Variants in MMP16 observed in about 807,000 individuals in gnomAD.
The protein encoded by MMP16 is matrix metallopeptidase 16.
In MMP16, 12 loss-of-function variants were observed where a neutral mutation model predicts 67.8. The observed-to-expected ratio is 0.18, with a 90% CI of 0.11 to 0.29. MMP16 has a LOEUF of 0.29. Among genes scored for constraint, MMP16 ranks in the 10% least tolerant of loss-of-function variants. The pLI, the probability that MMP16 is intolerant of heterozygous loss-of-function variation, is 1.00. For synonymous variants in MMP16, 249 were observed against 255.9 expected, an observed-to-expected ratio of 0.97 and a Z score of 0.26; for missense variants, 475 against 765.7, an observed-to-expected ratio of 0.62 and a Z score of 4.48.
In MMP16 at chr8:88,311,685, A is replaced by C. The variant is rs561667658; in HGVS notation, c.132+15390T>G. On this transcript the variant is annotated intron_variant, in intron 1 of 9. Coordinates refer to ENST00000286614, the MANE Select transcript of MMP16 (RefSeq NM_005941.5). Reference sequence around the variant, plus strand: ...CCATAAATATAGATGGATATAAACCATAATAGAAGATTCTGGGTTTTCATT... The same window carrying C: ...CCATAAATATAGATGGATATAAACCCTAATAGAAGATTCTGGGTTTTCATT... 7.2e-5 allele frequency among the ~76,000 whole-genome samples: 11 copies of C among 152,270 alleles called. No individual in the cohort carries two copies. In the South Asian group the frequency reaches 2.1e-3, roughly 29 times the overall value.
At chr8:88,194,356 T>C (rs1308824709) in intron 2 of MMP16, among the ~76,000 whole-genome samples, 1 of 152,102 alleles carries the variant, frequency 6.6e-6, no homozygotes, top group Non-Finnish European at 1.5e-5. Context: ...TCTATAACTA[T>C]AGTCCATATT....
At chr8:88,061,157 C>G (rs1305585222) in intron 7 of MMP16, among the ~76,000 whole-genome samples, 5 of 151,348 alleles carry the variant, frequency 3.3e-5, no homozygotes, top group African/African-American at 1.2e-4. Context: ...CACACACACA[C>G]ACACACACAC....
At chr8:88,186,966 G>A (rs1056504896) in intron 2 of MMP16, among the ~76,000 whole-genome samples, 2 of 152,126 alleles carry the variant, frequency 1.3e-5, no homozygotes, top group Non-Finnish European at 2.9e-5. Context: ...CTCATAAAAT[G>A]CCACTAAGGA....
At chr8:88,255,026 G>GA (rs1488539146) in intron 1 of MMP16, among the ~76,000 whole-genome samples, 2 of 152,022 alleles carry the variant, frequency 1.3e-5, no homozygotes, top group Non-Finnish European at 2.9e-5. Flanking sequence ...AAAAACATGG[G>GA]AAAAAATTCA....
chr8:88,135,183 T>A (rs571363969), intron 4 of MMP16, among the ~76,000 whole-genome samples: 2 of 151,892 alleles, frequency 1.3e-5, no homozygotes, highest in African/African-American at 4.8e-5. Context: ...TAAGCAAACA[T>A]TTATTGAGTA....
intron 7 of MMP16, among the ~76,000 whole-genome samples, chr8:88,065,687 T>C (rs1808455024): frequency 6.6e-6 from 1 of 152,052 alleles, no homozygotes; most frequent in African/African-American, 2.4e-5. Context: ...TTCTTTTACG[T>C]TACCTATTTA....
intron 1 of MMP16, among the ~76,000 whole-genome samples, chr8:88,258,518 C>T (rs952823696): frequency 2.6e-5 from 4 of 152,080 alleles, no homozygotes; most frequent in African/African-American, 9.7e-5. Context: ...TGTTAGTTGC[C>T]TTTTGTCTAA....
Position 88,036,805 on chromosome 8 carries a change from T to TTG in MMP16, c.*4655_*4656insCA, listed in dbSNP as rs1808060266. 6.6e-6 allele frequency: 1 copy of TTG among 151,714 alleles called. No homozygotes were observed. The highest frequency in any genetic ancestry group is 6.6e-5 in the Admixed American group (1 of 15,166). 9.4% of individuals were successfully genotyped at this position (151,714 alleles called of 1,614,324 possible). ...TCTGTGATACTTTGGAATATGCCCTTGAAAGCATCAGAAATGAAATAAGCT... is the reference window on the plus strand; with the variant it reads ...TCTGTGATACTTTGGAATATGCCCTTTGGAAAGCATCAGAAATGAAATAAGCT... On this transcript the variant is annotated 3_prime_UTR_variant, in exon 10 of 10. Coordinates refer to ENST00000286614, the MANE Select transcript of MMP16 (RefSeq NM_005941.5).
At chr8:88,081,564 A>G (rs1424697544) in intron 6 of MMP16, among the ~76,000 whole-genome samples, 2 of 152,114 alleles carry the variant, frequency 1.3e-5, no homozygotes, top group African/African-American at 4.8e-5. Context: ...AGCCTGGGCA[A>G]TACAGTGAGA....
chr8:88,160,472 G>A (rs1164026393), intron 4 of MMP16, among the ~76,000 whole-genome samples: 1 of 152,026 alleles, frequency 6.6e-6, no homozygotes, highest in Non-Finnish European at 1.5e-5. Context: ...AGTGGGCAAA[G>A]GACATGAACA....
Position 88,039,490 on chromosome 8 carries a change from G to A in MMP16, c.*1971C>T, listed in dbSNP as rs1586116874. On this transcript the variant is annotated 3_prime_UTR_variant, in exon 10 of 10. Coordinates refer to ENST00000286614, the MANE Select transcript of MMP16 (RefSeq NM_005941.5). The surrounding 1 kb of genome is among the most constrained non-coding windows in gnomAD (Gnocchi z 4.5). Reference sequence around the variant, plus strand: ...GAGAAGCAACACCAGATTTCCTTCAGTTTGTGCCAGTTTGCAAGTTAAAGG... The same window carrying A: ...GAGAAGCAACACCAGATTTCCTTCAATTTGTGCCAGTTTGCAAGTTAAAGG... 6.6e-6 allele frequency: 1 copy of A among 152,656 alleles called. No homozygotes were observed. Among genetic ancestry groups the A allele is most frequent in the African/African-American group, 2.4e-5 (1 of 41,530 alleles). 9.5% of individuals were successfully genotyped at this position (152,656 alleles called of 1,614,324 possible).
intron 9 of MMP16, among the ~76,000 whole-genome samples, chr8:88,044,830 G>A (rs934500318): frequency 1.3e-5 from 2 of 152,156 alleles, no homozygotes; most frequent in Admixed American, 1.3e-4. Flanking sequence ...TTTAACACAT[G>A]TGGATAAATA....
chr8:88,290,472 G>A (rs964242226), intron 1 of MMP16, among the ~76,000 whole-genome samples: 27 of 151,948 alleles, frequency 1.8e-4, no homozygotes, highest in Non-Finnish European at 3.5e-4. Context: ...AGAATGGAGT[G>A]AACCTGGGAG....
At position 88,211,223 on chromosome 8, in the gene MMP16, C is replaced by T. The variant is rs1341897879; in HGVS notation, c.133-13917G>A. Among the ~76,000 whole-genome samples, 3 of 152,120 alleles carry T rather than the reference C, an allele frequency of 2.0e-5. No individual in the cohort carries two copies. In the East Asian group the frequency reaches 5.8e-4, roughly 29 times the overall value. ...CATACAGCTGAATCTCACCAGTGTA[C>T]AGGTGGGCCATTTTGCTGGAAGAAC... On this transcript the variant is annotated intron_variant, in intron 1 of 9. Transcript: ENST00000286614.
intron 4 of MMP16, among the ~76,000 whole-genome samples, chr8:88,133,168 C>G (rs1337467646): frequency 6.6e-6 from 1 of 151,380 alleles, no homozygotes; most frequent in Admixed American, 6.6e-5. Flanking sequence ...GTTACTTAAG[C>G]AGAGAGGAAA....
chr8:88,222,695 C>G (rs1045005299), intron 1 of MMP16, among the ~76,000 whole-genome samples: 5 of 152,104 alleles, frequency 3.3e-5, no homozygotes, highest in African/African-American at 1.2e-4. Flanking sequence ...AAAATTAATT[C>G]AAGATGGATT....
At chr8:88,230,226 T>C (rs890445894) in intron 1 of MMP16, among the ~76,000 whole-genome samples, 1 of 152,108 alleles carries the variant, frequency 6.6e-6, no homozygotes, top group Non-Finnish European at 1.5e-5. Context: ...ATTCACGAGA[T>C]GCAGATGCTG....
At chr8:88,185,703 G>C (rs1809062122) in intron 3 of MMP16, among the ~76,000 whole-genome samples, 1 of 151,992 alleles carries the variant, frequency 6.6e-6, no homozygotes. Flanking sequence ...TCCTTCCTAT[G>C]GGTCTTAGTT....
chr8:88,311,170 G>A (rs1041194171), intron 1 of MMP16, among the ~76,000 whole-genome samples: 1 of 151,840 alleles, frequency 6.6e-6, no homozygotes, highest in Non-Finnish European at 1.5e-5. Flanking sequence ...ATTTATTCTC[G>A]ACACCAAAAA....
Sources: allele counts gnomAD v4.1 joint callset (sites outside exome capture counted in the v4.1 genomes callset), GRCh38; gene constraint gnomAD v4.1.1; non-coding constraint Gnocchi (gnomAD v3.1); transcripts MANE v1.5; gene names NCBI Gene and HGNC (gene_info 2026-07-23, HGNC 2026-07-21).